The following NAALADL2 variants were observed in gnomAD, a reference collection of about 807,000 sequenced individuals.
NAALADL2 encodes the protein N-acetylated alpha-linked acidic dipeptidase like 2, also known as inactive N-acetylated-alpha-linked acidic dipeptidase-like protein 2.
Under a neutral mutation model 87.2 loss-of-function variants are expected in NAALADL2, and 76 were observed. That is an observed-to-expected ratio of 0.87 (90% CI 0.72 to 1.05). The LOEUF (loss-of-function observed/expected upper bound fraction) is 1.05, where lower values mean the gene tolerates loss of function less well. Among genes scored for constraint, NAALADL2 ranks in the 50% least tolerant of loss-of-function variants. The probability of loss-of-function intolerance (pLI) is 0.00; values close to 1 mark genes in which losing one functional copy is unlikely to be tolerated. For synonymous variants in NAALADL2, 354 were observed against 331.0 expected (o/e 1.07, Z -0.75); for missense variants, 1,089 against 945.8 (o/e 1.15, Z -1.99).
At chr3:175,606,343 G>T (rs561645479) in intron 10 of NAALADL2, among the ~76,000 whole-genome samples, 1 of 151,248 alleles carries the variant, frequency 6.6e-6, no homozygotes, top group Admixed American at 6.6e-5. Context: ...AGGAAGTATT[G>T]GTTTCCCTTT....
intron 9 of NAALADL2, among the ~76,000 whole-genome samples, chr3:175,549,133 A>G (rs1713888825): frequency 8.7e-6 from 1 of 115,524 alleles, no homozygotes; most frequent in African/African-American, 3.2e-5. Context: ...TACAGTTTTG[A>G]GATTATCACT....
intron 13 of NAALADL2, among the ~76,000 whole-genome samples, chr3:175,794,062 T>TA (rs1310387432): frequency 6.6e-6 from 1 of 152,198 alleles, no homozygotes; most frequent in East Asian, 1.9e-4. Flanking sequence ...ACCTGACCAT[T>TA]ACTGTTTGCC....
At chr3:175,545,525 C>G (rs1021531083) in intron 9 of NAALADL2, among the ~76,000 whole-genome samples, 1 of 151,888 alleles carries the variant, frequency 6.6e-6, no homozygotes, top group Non-Finnish European at 1.5e-5. Context: ...CACTTTCCCC[C>G]TTGAATAATA....
At chr3:175,228,260 T>C (rs1322979721) in intron 2 of NAALADL2, among the ~76,000 whole-genome samples, 1 of 151,952 alleles carries the variant, frequency 6.6e-6, no homozygotes, top group Non-Finnish European at 1.5e-5. Context: ...TATTCTATTA[T>C]GAAAGTCTGT....
intron 3 of NAALADL2, among the ~76,000 whole-genome samples, chr3:174,786,697 G>A (rs1335392912): frequency 1.3e-5 from 2 of 151,966 alleles, no homozygotes; most frequent in African/African-American, 4.8e-5. Context: ...AAGATCAGGT[G>A]AAACCAAATT....
At chr3:175,176,430 G>A (rs1735697707) in intron 2 of NAALADL2, among the ~76,000 whole-genome samples, 3 of 152,150 alleles carry the variant, frequency 2.0e-5, no homozygotes, top group Admixed American at 1.3e-4. Flanking sequence ...ATCAGACATT[G>A]TCAGAGAAGA....
chr3:174,778,685 G>A (rs1715549849), intron 3 of NAALADL2, among the ~76,000 whole-genome samples: 3 of 151,970 alleles, frequency 2.0e-5, no homozygotes, highest in African/African-American at 7.3e-5. Context: ...GTGTCCATAT[G>A]TTCTCATTGT....
intron 1 of NAALADL2, among the ~76,000 whole-genome samples, chr3:174,873,795 T>C (rs1728151400): frequency 6.6e-6 from 1 of 151,634 alleles, no homozygotes; most frequent in South Asian, 2.1e-4. Context: ...TAGCTTTTCA[T>C]TATAATATTC....
chr3:175,628,924 C>T (rs1254535879), intron 11 of NAALADL2, among the ~76,000 whole-genome samples: 2 of 150,236 alleles, frequency 1.3e-5, no homozygotes, highest in African/African-American at 4.9e-5. Context: ...TTATTCTAAG[C>T]TCAAAATATC....
chr3:174,806,840 G>A (rs999587824), intron 3 of NAALADL2, among the ~76,000 whole-genome samples: 1 of 151,922 alleles, frequency 6.6e-6, no homozygotes, highest in Non-Finnish European at 1.5e-5. Flanking sequence ...CTTTCATTCT[G>A]TATTATAGTT....
chr3:174,654,357 A>G (rs893313349), intron 2 of NAALADL2, among the ~76,000 whole-genome samples: 1 of 152,166 alleles, frequency 6.6e-6, no homozygotes, highest in African/African-American at 2.4e-5. Flanking sequence ...AATAAAGATT[A>G]ATTAGATATC....
At chr3:174,501,660 A>G (rs1213435808) in intron 1 of NAALADL2, among the ~76,000 whole-genome samples, 1 of 152,088 alleles carries the variant, frequency 6.6e-6, no homozygotes, top group East Asian at 1.9e-4. Flanking sequence ...TTTCCATTTC[A>G]TCTAAGTTGT....
At chr3:174,469,330 T>C (rs1002763208) in intron 1 of NAALADL2, among the ~76,000 whole-genome samples, 1 of 151,660 alleles carries the variant, frequency 6.6e-6, no homozygotes, top group African/African-American at 2.4e-5. Context: ...TGATCTCGGC[T>C]CACTGCAACC....
chr3:175,311,099 T>C (rs1278318305), intron 4 of NAALADL2, among the ~76,000 whole-genome samples: 1 of 152,134 alleles, frequency 6.6e-6, no homozygotes, highest in Non-Finnish European at 1.5e-5. Flanking sequence ...TAACAGGAGT[T>C]TATAAGCACC....
At chr3:175,383,264 A>G (rs1247247430) in intron 5 of NAALADL2, among the ~76,000 whole-genome samples, 2 of 152,080 alleles carry the variant, frequency 1.3e-5, no homozygotes, top group Admixed American at 1.3e-4. Flanking sequence ...TTGTGCTACC[A>G]AACATTAGAT....
Position 175,314,635 on chromosome 3 carries a change from A to G in NAALADL2, c.940-9540A>G, listed in dbSNP as rs186001894. Among the ~76,000 whole-genome samples, 95 of 113,704 alleles carry G rather than the reference A, an allele frequency of 8.4e-4. 1 individual carries two copies. The highest frequency in any genetic ancestry group is 1.5e-3 in the South Asian group (5 of 3,298). 74.6% of individuals were successfully genotyped at this position (113,704 alleles called of 152,430 possible). On this transcript the variant is annotated intron_variant, in intron 4 of 13. Transcript: ENST00000454872. Reference sequence around the variant, plus strand: ...ACTGTAAAATAGTTTTGAAAAGTAAAATTAGCGTTTTCTAGTATATATAGT... The same window carrying G: ...ACTGTAAAATAGTTTTGAAAAGTAAGATTAGCGTTTTCTAGTATATATAGT...
chr3:175,582,701 A>G (rs1051898647), intron 10 of NAALADL2, among the ~76,000 whole-genome samples: 1 of 152,216 alleles, frequency 6.6e-6, no homozygotes, highest in African/African-American at 2.4e-5. Context: ...TACAAAGATG[A>G]ATAAAACATG....
intron 13 of NAALADL2, among the ~76,000 whole-genome samples, chr3:175,788,140 A>G (rs1007496218): frequency 2.1e-5 from 3 of 141,004 alleles, no homozygotes; most frequent in African/African-American, 8.1e-5. Flanking sequence ...TCACCTAGGC[A>G]GGAGTGCAAG....
rs182776650 is a variant in NAALADL2 at position 175,178,090 on chromosome 3, C to T, written c.546-55841C>T. 2.7e-3 allele frequency among the ~76,000 whole-genome samples: 414 copies of T among 152,088 alleles called. 3 individuals carry two copies. The highest frequency in any genetic ancestry group is 9.5e-3 in the African/African-American group (394 of 41,520). ...CATAGCATTTCTTCCATAGACAAGT[C>T]ATTTAACCATTCTGCTCCTCAGTTG... On this transcript the variant is annotated intron_variant, in intron 2 of 13. Transcript: ENST00000454872.
Sources: allele counts gnomAD v4.1 joint callset (sites outside exome capture counted in the v4.1 genomes callset), GRCh38; gene constraint gnomAD v4.1.1; transcripts MANE v1.5; gene names NCBI Gene and HGNC (gene_info 2026-07-23, HGNC 2026-07-21).